SYNE2: variants seen among roughly 807,000 people sequenced by gnomAD.
SYNE2 encodes the protein spectrin repeat containing nuclear envelope protein 2.
In SYNE2, 431 loss-of-function variants were observed where a neutral mutation model predicts 856.3. The observed-to-expected ratio is 0.50, with a 90% CI of 0.47 to 0.55. The LOEUF (loss-of-function observed/expected upper bound fraction) is 0.55, where lower values mean the gene tolerates loss of function less well. Among genes scored for constraint, SYNE2 ranks in the 20% least tolerant of loss-of-function variants. The probability of loss-of-function intolerance (pLI) is 0.00; values close to 1 mark genes in which losing one functional copy is unlikely to be tolerated. For missense variants in SYNE2, 8,129 were observed against 8,023.2 expected (o/e 1.01, Z -0.50); for synonymous variants, 2,923 against 2,872.3 (o/e 1.02, Z -0.56).
intron 112 of SYNE2, 149 bp downstream of exon 112, chr14:64,221,853 A>C: frequency 1.0e-6 from 1 of 982,840 alleles, no homozygotes; most frequent in Non-Finnish European, 1.6e-6. Context: ...GTGTTCCTCC[A>C]GTTGGTGTTT....
chr14:63,941,525 AC>A (rs2095916164), intron 3 of SYNE2, among the ~76,000 whole-genome samples, 169 bp from the exon 4 acceptor site: 1 of 152,178 alleles, frequency 6.6e-6, no homozygotes, highest in African/African-American at 2.4e-5. Flanking sequence ...TAAATTCGCT[AC>A]TTTTCTTACG....
At chr14:63,910,679 G>C (rs1380548469) in intron 2 of SYNE2, among the ~76,000 whole-genome samples, 4 of 152,192 alleles carry the variant, frequency 2.6e-5, no homozygotes. Context: ...ACTTGGAGGA[G>C]AGATTTCATC....
At chr14:63,763,211 G>T (rs1239120189) in intron 1 of SYNE2, among the ~76,000 whole-genome samples, 1 of 151,920 alleles carries the variant, frequency 6.6e-6, no homozygotes, top group South Asian at 2.1e-4. Flanking sequence ...CAGGTGATCC[G>T]CCTGCCTCGG....
chr14:63,829,250 GA>G lies in SYNE2; in HGVS notation c.-304-23245del, dbSNP rs555760435. Among the ~76,000 whole-genome samples, 12 of 151,896 alleles carry G rather than the reference GA, an allele frequency of 7.9e-5. No homozygotes were observed. The East Asian group carries it at 1.4e-3, about 17-fold the overall frequency. On this transcript the variant is annotated intron_variant, in intron 1 of 23. Transcript: ENST00000674003. Reference sequence around the variant, plus strand: ...CAACATAATGAGACCCCATCTCTACGAAAAAAGTTTTAAAAAACGAGCTGGT... The same window carrying G: ...CAACATAATGAGACCCCATCTCTACGAAAAAGTTTTAAAAAACGAGCTGGT...
intron 1 of SYNE2, among the ~76,000 whole-genome samples, chr14:63,899,535 T>C (rs1235043010): frequency 6.6e-6 from 1 of 151,918 alleles, no homozygotes; most frequent in Non-Finnish European, 1.5e-5. Flanking sequence ...AGGGTCTTGC[T>C]CTGTCACCCA....
At position 64,100,532 on chromosome 14, in the gene SYNE2, ATATATATATATATAT is replaced by A. The variant is rs1476589200; in HGVS notation, c.12382-1399_12382-1385del. On this transcript the variant is annotated intron_variant, in intron 63 of 115. Coordinates refer to ENST00000555002, the MANE Select transcript of SYNE2 (RefSeq NM_182914.3). ...ACTGTCTCAAAAAAAAAAAAAAAAAATATATATATATATATATATATATATATATATATATATATT... is the reference window on the plus strand; with the variant it reads ...ACTGTCTCAAAAAAAAAAAAAAAAAAATATATATATATATATATATATATT... Among the ~76,000 whole-genome samples, 106 of 43,186 alleles carry A rather than the reference ATATATATATATATAT, an allele frequency of 2.5e-3. 8 individuals are homozygous for A. Among genetic ancestry groups the A allele is most frequent in the East Asian group, 0.016 (16 of 986 alleles). 28.3% of individuals were successfully genotyped at this position (43,186 alleles called of 152,430 possible). A position where few individuals can be genotyped will look rare whatever the true frequency, so the allele number is the denominator to read the frequency against.
At chr14:63,984,089 A>G (rs1050830055) in intron 18 of SYNE2, among the ~76,000 whole-genome samples, 7 of 152,140 alleles carry the variant, frequency 4.6e-5, no homozygotes, top group Non-Finnish European at 1.0e-4. Flanking sequence ...CAAAAATACG[A>G]AAGATTAGCT....
intron 45 of SYNE2, among the ~76,000 whole-genome samples, chr14:64,038,148 CCT>C (rs2097113287): frequency 6.6e-6 from 1 of 152,164 alleles, no homozygotes; most frequent in South Asian, 2.1e-4. Context: ...CAGAGGCGCT[CCT>C]CACATCCCAG....
In SYNE2 at chr14:64,024,349, G is replaced by A. The variant is rs2096960909; in HGVS notation, c.5730G>A (p.Val1910=). Residue 1910 remains valine (V), a synonymous_variant, in exon 39 of 116, where the codon GTG becomes GTA. Transcript: ENST00000555002. ...HVKKHLPKAH[V]KELISWLVGQ... is the part of the protein sequence containing the mutation. ...AGAAGCATCTGCCCAAAGCACATGT[G>A]AAGGAGCTTATCAGTTGGCTCGTGG... 6.2e-7 allele frequency: 1 copy of A among 1,614,034 alleles called. No individual in the cohort carries two copies.
At position 64,052,588 on chromosome 14, in the gene SYNE2, C is replaced by G; in HGVS notation, c.8675C>G (p.Ser2892Ter). The G allele has an allele frequency of 6.2e-7, 1 of 1,614,102 alleles. No individual in the cohort carries two copies. The highest frequency in any genetic ancestry group is 8.5e-7 in the Non-Finnish European group (1 of 1,180,028). ...TTGCAAGAAATTGACAGTGGAATCT[C>G]AACACATCTTCAGGAGCTAACAAAC... is the stretch of plus-strand genomic sequence containing the variant. The part of the protein sequence containing the change: ...KELQEIDSGI[S>*]THLQELTNIY... Residue 2892 changes from serine to a stop codon, truncating the protein, a stop_gained, in exon 48 of 116, where the codon TCA becomes TGA. Transcript: ENST00000555002. LOFTEE classifies it high-confidence loss of function.
chr14:64,100,984 C>G lies in SYNE2; in HGVS notation c.12382-948C>G, dbSNP rs547721126. 1.6e-4 allele frequency among the ~76,000 whole-genome samples: 24 copies of G among 152,052 alleles called. No individual in the cohort carries two copies. In the South Asian group the frequency reaches 5.0e-3, roughly 32 times the overall value. On this transcript the variant is annotated intron_variant, in intron 63 of 115. Coordinates refer to ENST00000555002, the MANE Select transcript of SYNE2 (RefSeq NM_182914.3). ...CATGTTGTTGCAAATGACAGAATTTCCTTATTTTTTAAGGCCAGATAGTAT... is the reference window on the plus strand; with the variant it reads ...CATGTTGTTGCAAATGACAGAATTTGCTTATTTTTTAAGGCCAGATAGTAT...
At position 63,967,830 on chromosome 14, in the gene SYNE2, A is replaced by G. The variant is rs1481720738; in HGVS notation, c.1112A>G (p.Asp371Gly). 1 of 1,614,074 alleles carries G rather than the reference A, an allele frequency of 6.2e-7. No homozygotes were observed. Among genetic ancestry groups the G allele is most frequent in the South Asian group, 1.1e-5 (1 of 91,082 alleles). Residue 371 changes from aspartate to glycine, a missense_variant, in exon 11 of 116, where the codon GAT (aspartate) becomes GGT (glycine). Transcript: ENST00000555002. The part of the protein sequence containing the change: ...KDHLQLREAW[D>G]GLDHQINAWK... ...CATTTACAGTTGAGAGAAGCCTGGG[A>G]TGGCCTCGATCACCAGGTGACTGTT...
At chr14:63,792,637 G>A (rs1204397664) in intron 1 of SYNE2, among the ~76,000 whole-genome samples, 1 of 142,280 alleles carries the variant, frequency 7.0e-6, no homozygotes, top group Non-Finnish European at 1.5e-5. Context: ...CTATTGAAGA[G>A]AGGGATGTTT....
At chr14:64,122,889 G>C (rs938862514) in intron 70 of SYNE2, among the ~76,000 whole-genome samples, 1 of 152,034 alleles carries the variant, frequency 6.6e-6, no homozygotes, top group East Asian at 1.9e-4. Flanking sequence ...GATCACCTGA[G>C]GTCAGGAGTT....
Position 64,081,308 on chromosome 14 carries a change from A to G in SYNE2, c.11347-135A>G. On this transcript the variant is annotated intron_variant, in intron 56 of 115. Transcript: ENST00000555002. ...CATAGCCTAGAGCAGGTGAATAAGT[A>G]GCCCCAGCCATGGGGAGCAGACATC... 6.9e-6 allele frequency: 7 copies of G among 1,016,550 alleles called. No individual in the cohort carries two copies. The South Asian group carries it at 7.9e-5, about 12-fold the overall frequency. 63.0% of individuals were successfully genotyped at this position (1,016,550 alleles called of 1,614,324 possible).
In SYNE2 at chr14:64,158,672, G is replaced by T; in HGVS notation, c.15840G>T (p.Lys5280Asn). Reference protein sequence around the residue: ...TSMQSVLQEWKIYDQLYDEVN... With the variant: ...TSMQSVLQEWNIYDQLYDEVN... The stretch of plus-strand genomic sequence containing the variant: ...TGCAGTCAGTTTTACAGGAGTGGAA[G>T]ATTTATGATCAACTCTATGATGAAG... The change falls in exon 86 of 116, where the codon AAG becomes AAT. Residue 5280 changes from lysine (K) to asparagine (N), a missense_variant. Lys to Asn is a moderately conservative substitution (Grantham distance 94, BLOSUM62 0). Around this residue, in one of 3 missense-constraint regions of SYNE2, gnomAD observed 5,410 missense variants for 5,284.8 expected, o/e 1.02. Transcript: ENST00000555002. 6.2e-7 allele frequency: 1 copy of T among 1,613,946 alleles called. No homozygotes were observed.
rs1282533931 is a variant in SYNE2 at position 64,220,645 on chromosome 14, G to A, written c.20061+8G>A. Reference sequence around the variant, plus strand: ...TCGCTCATGCAGTGCCAGGTACGCTGACTCAGCAGCCCGCCTCCCAGAGCC... The same window carrying A: ...TCGCTCATGCAGTGCCAGGTACGCTAACTCAGCAGCCCGCCTCCCAGAGCC... On this transcript the variant is annotated splice_region_variant and intron_variant, in intron 111 of 115. Coordinates refer to ENST00000555002, the MANE Select transcript of SYNE2 (RefSeq NM_182914.3). 1 of 1,613,258 alleles carries A rather than the reference G, an allele frequency of 6.2e-7. No individual in the cohort carries two copies. The highest frequency in any genetic ancestry group is 2.2e-5 in the East Asian group (1 of 44,884).
chr14:63,842,621 G>A (rs1490368055), intron 1 of SYNE2, among the ~76,000 whole-genome samples: 1 of 151,628 alleles, frequency 6.6e-6, no homozygotes, highest in East Asian at 1.9e-4. Flanking sequence ...ACCACACCCA[G>A]CGAATTTTTG....
Position 64,177,370 on chromosome 14 carries a change from T to C in SYNE2, c.17443T>C (p.Cys5815Arg), listed in dbSNP as rs765907856. ...TGTTTTCAAATAGACCTGGGACCAG[T>C]GTGAAAAGAAAATCAAGGAGTTGAA... Reference protein sequence around the residue: ...FQSTVETWDQCEKKIKELKSR... With the variant: ...FQSTVETWDQREKKIKELKSR... The change falls in exon 96 of 116, where the codon TGT (cysteine) becomes CGT (arginine). Residue 5815 changes from cysteine (C) to arginine (R), a missense_variant. Around this residue, in one of 3 missense-constraint regions of SYNE2, gnomAD observed 5,410 missense variants for 5,284.8 expected, o/e 1.02. Coordinates refer to ENST00000555002, the MANE Select transcript of SYNE2 (RefSeq NM_182914.3). 6 of 1,614,114 alleles carry C rather than the reference T, an allele frequency of 3.7e-6. No individual in the cohort carries two copies. The highest frequency in any genetic ancestry group is 3.3e-5 in the Admixed American group (2 of 60,004).
Sources: gnomAD v4.1 joint callset for allele counts (sites outside exome capture counted in the v4.1 genomes callset) on GRCh38, gnomAD v4.1.1 for gene constraint, gnomAD v4.1.1 regional missense constraint, MANE v1.5 for transcripts, NCBI Gene and HGNC (gene_info 2026-07-23, HGNC 2026-07-21) for gene names.